Variants in SPEG observed in about 807,000 individuals in gnomAD.
SPEG encodes striated muscle enriched protein kinase, also known as striated muscle preferentially expressed protein kinase.
SPEG carries 114 observed loss-of-function variants against 300.4 expected under a neutral mutation model. The observed-to-expected ratio is 0.38, with a 90% CI of 0.33 to 0.44. The LOEUF (loss-of-function observed/expected upper bound fraction) is 0.44, where lower values mean the gene tolerates loss of function less well. Ranked by LOEUF, SPEG falls within the 20% of genes least tolerant of loss-of-function variation. The pLI is 1.00. For synonymous variants in SPEG, 1,964 were observed against 2,018.9 expected, an observed-to-expected ratio of 0.97 and a Z score of 0.73; for missense variants, 4,201 against 4,586.2, an observed-to-expected ratio of 0.92 and a Z score of 2.43.
At chr2:219,488,366 GGGGAT>G in intron 32 of SPEG, 56 bp downstream of exon 32, 1 of 1,515,790 alleles carries the variant, frequency 6.6e-7, no homozygotes, top group Non-Finnish European at 9.0e-7. Flanking sequence ...CCTGAGCCCA[GGGGAT>G]GGGAGGGGCT....
In SPEG at chr2:219,473,078, G is replaced by A. The variant is rs1352203937; in HGVS notation, c.4129G>A (p.Val1377Met). Reference protein sequence around the residue: ...SSKPSPPSEPVQLLEHGPTLE... With the variant: ...SSKPSPPSEPMQLLEHGPTLE... The stretch of plus-strand genomic sequence containing the variant: ...CAAGCCCTCACCCCCTTCTGAGCCT[G>A]TGCAGCTGCTGGAGCACGGTGAGCC... Residue 1377 changes from valine (V) to methionine (M), a missense_variant, in exon 16 of 41, where the codon GTG becomes ATG. Transcript: ENST00000312358. The surrounding 1 kb of genome is among the most constrained non-coding windows in gnomAD (Gnocchi z 4.6). 2 of 1,613,702 alleles carry A rather than the reference G, an allele frequency of 1.2e-6. No individual in the cohort carries two copies. The highest frequency in any genetic ancestry group is 2.7e-5 in the African/African-American group (2 of 74,924).
chr2:219,452,567 C>T (rs1341111891), intron 6 of SPEG, among the ~76,000 whole-genome samples: 2 of 151,936 alleles, frequency 1.3e-5, no homozygotes, highest in Non-Finnish European at 2.9e-5. Flanking sequence ...ACACTCAACC[C>T]TCAAGGGGGT....
intron 9 of SPEG, chr2:219,466,173 C>G: frequency 6.6e-7 from 1 of 1,509,476 alleles, no homozygotes; most frequent in South Asian, 1.3e-5. Flanking sequence ...CAGACCCAGG[C>G]CTGCCGGCCC....
chr2:219,451,647 A>T lies in SPEG; in HGVS notation c.2280A>T (p.Ser760=), dbSNP rs1192389406. The T allele has an allele frequency of 1.3e-5, 20 of 1,582,662 alleles. No individual in the cohort carries two copies. Among genetic ancestry groups the T allele is most frequent in the Non-Finnish European group, 1.7e-5 (20 of 1,167,084 alleles). The change falls in exon 6 of 41, where the codon TCA becomes TCT. Residue 760 remains serine, a synonymous_variant. Coordinates refer to ENST00000312358, the MANE Select transcript of SPEG (RefSeq NM_005876.5). The surrounding 1 kb of genome is among the most constrained non-coding windows in gnomAD (Gnocchi z 6.4). The stretch of plus-strand genomic sequence containing the variant: ...CAGTGTCCTGGCACAAGGATGGGTC[A>T]GCGCTGCGCAGCGAGGGCCGCCTCC... ...PPQVSWHKDG[S]ALRSEGRLLL...
In SPEG at chr2:219,477,103, A is replaced by G. The variant is rs1575147207; in HGVS notation, c.4560+121A>G. ...GCAGAGGCGTGGTTAGGAGGAGGAAAGGGGCTGCAGAGGACTGACTAGCTG... is the reference window on the plus strand; with the variant it reads ...GCAGAGGCGTGGTTAGGAGGAGGAAGGGGGCTGCAGAGGACTGACTAGCTG... On this transcript the variant is annotated intron_variant, in intron 19 of 40. Transcript: ENST00000312358. This position sits in a 1 kb window ranked among gnomAD's most constrained non-coding sequence, Gnocchi z 6.4. 9.6e-7 allele frequency: 1 copy of G among 1,039,102 alleles called. No individual in the cohort carries two copies. The allele number at this position is 1,039,102 out of a possible 1,614,324, so 64.4% of individuals were successfully genotyped here.
chr2:219,465,918 T>G, intron 9 of SPEG: 2 of 707,320 alleles, frequency 2.8e-6, no homozygotes, highest in Non-Finnish European at 4.8e-6. Context: ...CATGCGTGTG[T>G]GTGTGCGCGC....
In SPEG at chr2:219,485,533, C is replaced by G. The variant is rs1693330085; in HGVS notation, c.7741+56C>G. ...CCTCCCCTCCTGCCCTCCCCTACCC[C>G]CATCAGGGAGCAGTCATGGCTGGTG... On this transcript the variant is annotated intron_variant, in intron 31 of 40. Coordinates refer to ENST00000312358, the MANE Select transcript of SPEG (RefSeq NM_005876.5). 35 of 1,484,932 alleles carry G rather than the reference C, an allele frequency of 2.4e-5. No individual in the cohort carries two copies. In the South Asian group the frequency reaches 4.6e-4, roughly 20 times the overall value. 92.0% of individuals were successfully genotyped at this position (1,484,932 alleles called of 1,614,324 possible).
At chr2:219,465,830 CGTGCGTGTAT>C in intron 9 of SPEG, 1 of 594,968 alleles carries the variant, frequency 1.7e-6, no homozygotes, top group South Asian at 1.9e-5. Context: ...CGTGCGCATG[CGTGCGTGTAT>C]GTGCATGCAT....
At chr2:219,482,324 C>T in intron 28 of SPEG, 1 of 176,128 alleles carries the variant, frequency 5.7e-6, no homozygotes, top group Non-Finnish European at 1.2e-5. Flanking sequence ...AAATGAGCTC[C>T]AGAAGAGAGA....
intron 34 of SPEG, 50 bp from the exon 35 acceptor site, chr2:219,489,004 C>T (rs755742750): frequency 1.1e-4 from 173 of 1,608,128 alleles, no homozygotes; most frequent in Non-Finnish European, 1.4e-4. Flanking sequence ...ACCGTGGGAG[C>T]TGGGGCCACC....
At chr2:219,467,650 A>G (rs747259557) in intron 10 of SPEG, among the ~76,000 whole-genome samples, 2 of 152,240 alleles carry the variant, frequency 1.3e-5, no homozygotes, top group Non-Finnish European at 2.9e-5. Flanking sequence ...AACTGTTCCT[A>G]GGAGGGAGTG....
At chr2:219,475,021 G>A (rs1692217591) in intron 18 of SPEG, among the ~76,000 whole-genome samples, 1 of 152,108 alleles carries the variant, frequency 6.6e-6, no homozygotes, top group African/African-American at 2.4e-5. Flanking sequence ...CTGGCCTCAA[G>A]TAATCCGTCC....
At position 219,466,458 on chromosome 2, in the gene SPEG, C is replaced by T. The variant is rs569351483; in HGVS notation, c.2882-716C>T. 215 of 1,203,946 alleles carry T rather than the reference C, an allele frequency of 1.8e-4. 2 individuals are homozygous for T. In the African/African-American group the frequency reaches 2.8e-3, roughly 16 times the overall value. 74.6% of individuals were successfully genotyped at this position (1,203,946 alleles called of 1,614,324 possible). A position where few individuals can be genotyped will look rare whatever the true frequency, so the allele number is the denominator to read the frequency against. The stretch of plus-strand genomic sequence containing the variant: ...TGTCTGTGACAGTCAGGGAAGGATG[C>T]CTCGGAGCTGAGGTGGGGTGAGACA... On this transcript the variant is annotated intron_variant, in intron 9 of 40. Coordinates refer to ENST00000312358, the MANE Select transcript of SPEG (RefSeq NM_005876.5).
In SPEG at chr2:219,435,503, C is replaced by G. The variant is rs371867665; in HGVS notation, c.388+138C>G. The G allele has an allele frequency of 3.2e-4, 322 of 1,012,520 alleles. 1 individual carries two copies. The African/African-American group carries it at 4.6e-3, about 15-fold the overall frequency. 62.7% of individuals were successfully genotyped at this position (1,012,520 alleles called of 1,614,324 possible). ...CAGGTGCCCTGGCTTCTCGGCTGCC[C>G]GGCCCCAGAAGTGAGACGAAGAGCC... On this transcript the variant is annotated intron_variant, in intron 1 of 40. Transcript: ENST00000312358.
rs368059831 is a variant in SPEG at position 219,489,519 on chromosome 2, C to G, written c.8501C>G (p.Ser2834Trp). 1 of 1,612,474 alleles carries G rather than the reference C, an allele frequency of 6.2e-7. No homozygotes were observed. The highest frequency in any genetic ancestry group is 8.5e-7 in the Non-Finnish European group (1 of 1,179,342). ...ACACCTCCTAGCCAGGCCTTGTCCT[C>G]GCTCAAGGCTGTGGGTCCACCACCC... ...PPTPPSQALS[S>W]LKAVGPPPQT... Residue 2834 changes from serine (S) to tryptophan (W), a missense_variant, in exon 36 of 41, where the codon TCG becomes TGG. Transcript: ENST00000312358.
chr2:219,480,648 C>A lies in SPEG; in HGVS notation c.5343-23C>A, dbSNP rs1260028559. ...AGTCAGAGAGGGGCGGTCCTCTTACCTATCACTCTCCTTTTCCCACAGGCC... is the reference window on the plus strand; with the variant it reads ...AGTCAGAGAGGGGCGGTCCTCTTACATATCACTCTCCTTTTCCCACAGGCC... On this transcript the variant is annotated intron_variant, in intron 25 of 40. Coordinates refer to ENST00000312358, the MANE Select transcript of SPEG (RefSeq NM_005876.5). The surrounding 1 kb of genome is among the most constrained non-coding windows in gnomAD (Gnocchi z 5.3). 2 of 1,613,704 alleles carry A rather than the reference C, an allele frequency of 1.2e-6. No homozygotes were observed.
chr2:219,490,367 C>T (rs1380594708), intron 36 of SPEG, 42 bp from the exon 37 acceptor site: 1 of 1,588,184 alleles, frequency 6.3e-7, no homozygotes, highest in South Asian at 1.1e-5. Context: ...GTGTCCCCCT[C>T]CTCTCCTCTG....
intron 8 of SPEG, among the ~76,000 whole-genome samples, chr2:219,462,801 C>T (rs1213280277): frequency 6.6e-6 from 1 of 152,164 alleles, no homozygotes; most frequent in Non-Finnish European, 1.5e-5. Flanking sequence ...GCTTGTAATC[C>T]CAGCTACTTG....
intron 3 of SPEG, among the ~76,000 whole-genome samples, chr2:219,447,570 A>G (rs970931172): frequency 1.6e-4 from 24 of 151,888 alleles, no homozygotes; most frequent in Admixed American, 6.6e-5. Flanking sequence ...GGGTGGCTGC[A>G]TTCCTGAGAA....
Sources: gnomAD v4.1 joint callset for allele counts (sites outside exome capture counted in the v4.1 genomes callset) on GRCh38, gnomAD v4.1.1 for gene constraint, Gnocchi (gnomAD v3.1) non-coding constraint, MANE v1.5 for transcripts, NCBI Gene and HGNC (gene_info 2026-07-23, HGNC 2026-07-21) for gene names.